The following DTWD2 variants were observed in gnomAD, a reference collection of about 807,000 sequenced individuals.
The protein encoded by DTWD2 is DTW motif tRNA-uridine aminocarboxypropyltransferase 2.
DTWD2 carries 39 observed loss-of-function variants against 31.8 expected under a neutral mutation model. The ratio of observed to expected loss-of-function variants is 1.22; its 90% CI spans 0.95 to 1.60. The LOEUF (loss-of-function observed/expected upper bound fraction) is 1.60. Among genes scored for constraint, DTWD2 ranks in the 40% most tolerant of loss-of-function variants. The pLI, the probability that DTWD2 is intolerant of heterozygous loss-of-function variation, is 0.00. For synonymous variants in DTWD2, 180 were observed against 142.8 expected (o/e 1.26, Z -1.86); for missense variants, 515 against 381.5 (o/e 1.35, Z -2.92).
At chr5:118,972,436 T>G (rs1478474383) in intron 1 of DTWD2, among the ~76,000 whole-genome samples, 1 of 152,106 alleles carries the variant, frequency 6.6e-6, no homozygotes, top group East Asian at 1.9e-4. Flanking sequence ...AATTGAGTAC[T>G]TGAATAGACC....
chr5:118,902,015 A>C (rs571653657), intron 4 of DTWD2, among the ~76,000 whole-genome samples: 78 of 152,318 alleles, frequency 5.1e-4, no homozygotes, highest in African/African-American at 1.9e-3. Flanking sequence ...TTTATTATTT[A>C]AGTATTTTGA....
At chr5:118,936,629 A>AC (rs1259402635) in intron 3 of DTWD2, among the ~76,000 whole-genome samples, 96 of 152,178 alleles carry the variant, frequency 6.3e-4, no homozygotes, top group African/African-American at 2.2e-3. Flanking sequence ...ACATAGCAAG[A>AC]CCCCATCTCA....
chr5:118,975,986 C>T (rs1038879421), intron 1 of DTWD2, among the ~76,000 whole-genome samples: 2 of 152,190 alleles, frequency 1.3e-5, no homozygotes, highest in Admixed American at 6.5e-5. Context: ...GAAATCATAA[C>T]AGTCTCTCAG....
At chr5:118,859,443 G>A (rs1752210910) in intron 4 of DTWD2, among the ~76,000 whole-genome samples, 1 of 152,126 alleles carries the variant, frequency 6.6e-6, no homozygotes, top group African/African-American at 2.4e-5. Flanking sequence ...GTTGCATATA[G>A]TATACATTTT....
intron 5 of DTWD2, 140 bp downstream of exon 5, chr5:118,847,950 G>C (rs1190358817): frequency 2.2e-6 from 2 of 910,458 alleles, no homozygotes; most frequent in African/African-American, 3.5e-5. Flanking sequence ...AGGAAACAAG[G>C]TTATAAAAGT....
At chr5:118,907,424 G>GAC (rs1561450517) in intron 4 of DTWD2, among the ~76,000 whole-genome samples, 1 of 152,126 alleles carries the variant, frequency 6.6e-6, no homozygotes, top group African/African-American at 2.4e-5. Flanking sequence ...TCTGCAGTGT[G>GAC]AGCCAGCAGG....
chr5:118,867,534 G>A (rs951642707), intron 4 of DTWD2, among the ~76,000 whole-genome samples: 1 of 152,156 alleles, frequency 6.6e-6, no homozygotes, highest in Non-Finnish European at 1.5e-5. Context: ...CTTTCTAACA[G>A]CATGTCCTTG....
At chr5:118,863,899 G>A (rs1311374329) in intron 4 of DTWD2, among the ~76,000 whole-genome samples, 1 of 151,768 alleles carries the variant, frequency 6.6e-6, no homozygotes, top group Non-Finnish European at 1.5e-5. Context: ...TAATAAAAGG[G>A]TTGAACCCAT....
intron 4 of DTWD2, among the ~76,000 whole-genome samples, chr5:118,909,853 C>T (rs1187500483): frequency 1.3e-5 from 2 of 152,218 alleles, no homozygotes; most frequent in East Asian, 1.9e-4. Flanking sequence ...ACTTAGCACT[C>T]CATGCCACTA....
At chr5:118,933,949 G>C (rs1753980485) in intron 3 of DTWD2, among the ~76,000 whole-genome samples, 1 of 150,514 alleles carries the variant, frequency 6.6e-6, no homozygotes, top group East Asian at 1.9e-4. Context: ...AAGTAAATAA[G>C]TACAGCAAGG....
intron 3 of DTWD2, among the ~76,000 whole-genome samples, chr5:118,929,526 G>T (rs555099446): frequency 1.3e-5 from 2 of 149,902 alleles, no homozygotes; most frequent in African/African-American, 4.9e-5. Context: ...TTCTGACCAC[G>T]AGGCATCCCT....
At chr5:118,947,618 C>T (rs1302537435) in intron 1 of DTWD2, among the ~76,000 whole-genome samples, 3 of 152,076 alleles carry the variant, frequency 2.0e-5, no homozygotes, top group Non-Finnish European at 4.4e-5. Context: ...GTGGAACGGG[C>T]CATGTGTGGT....
At chr5:118,958,899 C>T (rs2149592046) in intron 1 of DTWD2, among the ~76,000 whole-genome samples, 1 of 152,262 alleles carries the variant, frequency 6.6e-6, no homozygotes, top group African/African-American at 2.4e-5. Flanking sequence ...AATCCAGCAT[C>T]CCTTCATGTT....
intron 4 of DTWD2, among the ~76,000 whole-genome samples, chr5:118,853,283 C>G (rs1752054665): frequency 6.6e-6 from 1 of 152,096 alleles, no homozygotes; most frequent in African/African-American, 2.4e-5. Flanking sequence ...AAAGGAGATG[C>G]TTATACACTG....
chr5:118,840,732 T>G lies in DTWD2; in HGVS notation c.*185A>C. 1.8e-6 allele frequency: 1 copy of G among 545,382 alleles called. No homozygotes were observed. The highest frequency in any genetic ancestry group is 2.8e-6 in the Non-Finnish European group (1 of 359,524). 33.8% of individuals were successfully genotyped at this position (545,382 alleles called of 1,614,324 possible). On this transcript the variant is annotated 3_prime_UTR_variant, in exon 6 of 6. Transcript: ENST00000510708. ...TACAGTAGGAAATCCTGCTTTTCAG[T>G]GAGCCAGTGAATTTCTGTTTATTTG...
chr5:118,837,988 A>G lies in DTWD2; in HGVS notation c.*2929T>C, dbSNP rs1751611337. The G allele has an allele frequency of 6.6e-6, 1 of 152,178 alleles. No individual in the cohort carries two copies. Among genetic ancestry groups the G allele is most frequent in the South Asian group, 2.1e-4 (1 of 4,832 alleles). 9.4% of individuals were successfully genotyped at this position (152,178 alleles called of 1,614,324 possible). On this transcript the variant is annotated 3_prime_UTR_variant, in exon 6 of 6. Transcript: ENST00000510708. ...GAGCTTATTTCTTCCAAAATATATG[A>G]AAAATATTACTGGTCATGACTAAGA... is the stretch of plus-strand genomic sequence containing the variant.
Position 118,839,810 on chromosome 5 carries a change from T to C in DTWD2, c.*1107A>G, listed in dbSNP as rs1220227614. 1 of 152,192 alleles carries C rather than the reference T, an allele frequency of 6.6e-6. No individual in the cohort carries two copies. Among genetic ancestry groups the C allele is most frequent in the East Asian group, 1.9e-4 (1 of 5,206 alleles). The allele number at this position is 152,192 out of a possible 1,614,324, so 9.4% of individuals were successfully genotyped here. A position where few individuals can be genotyped will look rare whatever the true frequency, so the allele number is the denominator to read the frequency against. On this transcript the variant is annotated 3_prime_UTR_variant, in exon 6 of 6. Coordinates refer to ENST00000510708, the MANE Select transcript of DTWD2 (RefSeq NM_173666.4). ...TTTTAATGAGTCTAATCCAAGTAAA[T>C]AATAAACAAATGATCATGAAAACTG...
intron 4 of DTWD2, among the ~76,000 whole-genome samples, chr5:118,861,149 T>A (rs1580771896): frequency 6.6e-6 from 1 of 152,238 alleles, no homozygotes; most frequent in African/African-American, 2.4e-5. Context: ...TTGCTAAATG[T>A]CTCCCAATGG....
intron 4 of DTWD2, among the ~76,000 whole-genome samples, chr5:118,874,829 G>C (rs1198321738): frequency 8.5e-5 from 13 of 152,056 alleles, no homozygotes; most frequent in Admixed American, 7.9e-4. Flanking sequence ...GCTAGCTAGA[G>C]AGGCCAACAT....
Sources: allele counts gnomAD v4.1 joint callset (sites outside exome capture counted in the v4.1 genomes callset), GRCh38; gene constraint gnomAD v4.1.1; transcripts MANE v1.5; gene names NCBI Gene and HGNC (gene_info 2026-07-23, HGNC 2026-07-21).